CHLSN: variants seen among roughly 807,000 people sequenced by gnomAD.
CHLSN encodes the protein protein cholesin.
At chr7:987,808 G>A in the CHLSN span, among the ~76,000 whole-genome samples, 1 of 151,548 alleles carries the variant, frequency 6.6e-6, no homozygotes, top group Admixed American at 6.6e-5. Flanking sequence ...TGTCCTAGGC[G>A]ATCCCCTCGG....
the CHLSN span, among the ~76,000 whole-genome samples, chr7:998,633 C>T: frequency 3.3e-5 from 5 of 152,052 alleles, no homozygotes; most frequent in South Asian, 4.2e-4. Context: ...TTAGTAGAGA[C>T]GGGGTTTTTG....
At chr7:1,047,248 C>T in the CHLSN span, among the ~76,000 whole-genome samples, 1 of 152,208 alleles carries the variant, frequency 6.6e-6, no homozygotes, top group Non-Finnish European at 1.5e-5. Context: ...GTCTCAGGCC[C>T]CCAGAGCCCG....
the CHLSN span, among the ~76,000 whole-genome samples, chr7:1,089,706 CCTTT>C: frequency 7.5e-6 from 1 of 132,996 alleles, no homozygotes; most frequent in Non-Finnish European, 1.6e-5. Context: ...TATAGGCCAG[CCTTT>C]TTTTTTTTTT....
chr7:1,031,886 G>A, the CHLSN span, among the ~76,000 whole-genome samples: 15 of 152,106 alleles, frequency 9.9e-5, no homozygotes, highest in South Asian at 2.5e-3. Context: ...TGCGGGGGGC[G>A]GCCAGCAAAC....
At chr7:1,004,107 C>A in the CHLSN span, among the ~76,000 whole-genome samples, 117 of 152,114 alleles carry the variant, frequency 7.7e-4, no homozygotes, top group African/African-American at 2.7e-3. Flanking sequence ...AGGGCTCCTG[C>A]GTGATGAGAG....
At chr7:1,000,862 G>T in the CHLSN span, among the ~76,000 whole-genome samples, 111 of 152,344 alleles carry the variant, frequency 7.3e-4, no homozygotes, top group African/African-American at 2.4e-3. Flanking sequence ...GATTTTACAG[G>T]GGGGGAAGGA....
At chr7:1,135,957 A>AAGTATATATAAATATAT in the CHLSN span, among the ~76,000 whole-genome samples, 2 of 119,402 alleles carry the variant, frequency 1.7e-5, no homozygotes, top group East Asian at 4.5e-4. Context: ...AAATATATAT[A>AAGTATATATAAATATAT]AATATATATA....
chr7:1,104,072 G>T, the CHLSN span, among the ~76,000 whole-genome samples: 5 of 152,200 alleles, frequency 3.3e-5, no homozygotes, highest in Non-Finnish European at 7.3e-5. Context: ...GCACCCACAG[G>T]TTTCGCCCCA....
chr7:1,124,909 C>T, the CHLSN span, among the ~76,000 whole-genome samples: 6 of 152,198 alleles, frequency 3.9e-5, no homozygotes, highest in East Asian at 1.9e-4. Flanking sequence ...CCTCAGCCTC[C>T]GGGTGACCTT....
At chr7:985,024 G>A in the CHLSN span, 63 of 1,611,998 alleles carry the variant, frequency 3.9e-5, no homozygotes, top group Middle Eastern at 1.6e-4. Flanking sequence ...CAGCCTGGGC[G>A]TGGGCCGGGA....
At chr7:1,005,976 C>A in the CHLSN span, among the ~76,000 whole-genome samples, 1 of 152,232 alleles carries the variant, frequency 6.6e-6, no homozygotes, top group South Asian at 2.1e-4. Context: ...AACGTGAACA[C>A]CCAGCAGGCG....
At chr7:1,057,302 C>T in the CHLSN span, among the ~76,000 whole-genome samples, 1 of 152,216 alleles carries the variant, frequency 6.6e-6, no homozygotes, top group East Asian at 1.9e-4. Flanking sequence ...ACAGCAGCCC[C>T]CGGTCACGAC....
At chr7:1,081,323 T>C in the CHLSN span, among the ~76,000 whole-genome samples, 1 of 152,020 alleles carries the variant, frequency 6.6e-6, no homozygotes, top group African/African-American at 2.4e-5. Flanking sequence ...GAGGACCCCC[T>C]CTCCTAAGAC....
chr7:1,129,504 G>A, the CHLSN span, among the ~76,000 whole-genome samples: 2 of 151,856 alleles, frequency 1.3e-5, 1 homozygote, highest in Non-Finnish European at 2.9e-5. Context: ...GCAGTGCAGT[G>A]GCACAATCTC....
chr7:1,105,659 G>A, the CHLSN span, among the ~76,000 whole-genome samples: 1 of 142,464 alleles, frequency 7.0e-6, no homozygotes, highest in Non-Finnish European at 1.5e-5. Flanking sequence ...CTGTCGCCCA[G>A]GCTGGAAGGC....
the CHLSN span, among the ~76,000 whole-genome samples, chr7:986,237 C>G: frequency 6.6e-6 from 1 of 152,196 alleles, no homozygotes. Flanking sequence ...CCAGGCTCAC[C>G]CCTCAGATAC....
At chr7:1,104,517 G>A in the CHLSN span, among the ~76,000 whole-genome samples, 361 of 152,292 alleles carry the variant, frequency 2.4e-3, 1 homozygote, top group Non-Finnish European at 3.7e-3. Flanking sequence ...CTGCAGCTCC[G>A]GGCAAATCAC....
chr7:1,070,984 G>A, the CHLSN span, among the ~76,000 whole-genome samples: 12 of 147,694 alleles, frequency 8.1e-5, no homozygotes, highest in Admixed American at 1.3e-4. Context: ...ACATGCACAC[G>A]GGCACACACA....
the CHLSN span, chr7:1,057,789 T>G: frequency 3.9e-6 from 3 of 776,044 alleles, no homozygotes; most frequent in Non-Finnish European, 7.2e-6. Flanking sequence ...GAGCTCCCGG[T>G]GGGCGCTGTG....
Sources: allele counts gnomAD v4.1 joint callset (sites outside exome capture counted in the v4.1 genomes callset), GRCh38; gene constraint gnomAD v4.1.1; transcripts MANE v1.5; gene names NCBI Gene and HGNC (gene_info 2026-07-23, HGNC 2026-07-21).